TRIM27: variants seen among roughly 807,000 people sequenced by gnomAD.
TRIM27 encodes tripartite motif containing 27.
TRIM27 carries 12 observed loss-of-function variants against 57.6 expected under a neutral mutation model. That is an observed-to-expected ratio of 0.21 (90% CI 0.13 to 0.34). The LOEUF (loss-of-function observed/expected upper bound fraction) is 0.34. Ranked by LOEUF, TRIM27 falls within the 10% of genes least tolerant of loss-of-function variation. The pLI is 1.00. For missense variants in TRIM27, 403 were observed against 656.8 expected (o/e 0.61, Z 4.22); for synonymous variants, 266 against 259.0 (o/e 1.03, Z -0.26).
intron 3 of TRIM27, among the ~76,000 whole-genome samples, chr6:28,912,450 C>T (rs1773277361): frequency 1.3e-5 from 2 of 151,382 alleles, no homozygotes; most frequent in Non-Finnish European, 2.9e-5. Context: ...TCTTGTCAGG[C>T]GCGGTGGCTC....
In TRIM27 at chr6:28,920,027, G is replaced by A. The variant is rs1365612011; in HGVS notation, c.732C>T (p.Thr244=). Residue 244 remains threonine (T), a synonymous_variant, in exon 3 of 8, where the codon ACC becomes ACT. Transcript: ENST00000377199. The part of the protein sequence containing the change: ...AQLEEKQQQP[T]RELLQDIGDT... ...CAAGCCTTACCTGCAGGAGCTCCCTGGTGGGCTGCTGCTGCTTCTCTTCTA... is the reference window on the plus strand; with the variant it reads ...CAAGCCTTACCTGCAGGAGCTCCCTAGTGGGCTGCTGCTGCTTCTCTTCTA... 6.2e-7 allele frequency: 1 copy of A among 1,612,986 alleles called. No homozygotes were observed. The highest frequency in any genetic ancestry group is 8.5e-7 in the Non-Finnish European group (1 of 1,179,736).
chr6:28,907,817 TC>T (rs1562151891), intron 6 of TRIM27: 1 of 377,460 alleles, frequency 2.6e-6, no homozygotes. Context: ...TCTGGTATTA[TC>T]CACTGTATTG....
rs373488290 is a variant in TRIM27 at position 28,919,139 on chromosome 6, C to T, written c.747+873G>A. On this transcript the variant is annotated intron_variant, in intron 3 of 7. Coordinates refer to ENST00000377199, the MANE Select transcript of TRIM27 (RefSeq NM_006510.5). ...GGCAATTCCTTGCCTCAGCCTCCCG[C>T]GTAGCTGGGACTACAGGCACACCGC... is the stretch of plus-strand genomic sequence containing the variant. Among the ~76,000 whole-genome samples the T allele has an allele frequency of 1.1e-3, 169 of 152,100 alleles. 5 individuals carry two copies. In the East Asian group the frequency reaches 0.019, roughly 17 times the overall value.
chr6:28,912,180 G>C (rs1001586303), intron 3 of TRIM27, among the ~76,000 whole-genome samples: 2 of 151,204 alleles, frequency 1.3e-5, no homozygotes, highest in African/African-American at 4.9e-5. Flanking sequence ...CGCGATCTTG[G>C]CTCACTGCAA....
At chr6:28,914,432 G>A (rs1348942949) in intron 3 of TRIM27, among the ~76,000 whole-genome samples, 1 of 151,668 alleles carries the variant, frequency 6.6e-6, no homozygotes, top group Non-Finnish European at 1.5e-5. Context: ...ACTGCACCCG[G>A]CCTATCCCAT....
Position 28,923,637 on chromosome 6 carries a change from C to G in TRIM27, c.-5G>C. The G allele has an allele frequency of 2.6e-6, 4 of 1,563,822 alleles. No individual in the cohort carries two copies. Among genetic ancestry groups the G allele is most frequent in the Non-Finnish European group, 3.5e-6 (4 of 1,151,410 alleles). ...GGCCACACTCCCGGAGGCCATGGCG[C>G]CGGCCTGCGGGGGCGCACGGGCATG... On this transcript the variant is annotated 5_prime_UTR_variant, in exon 1 of 8. Transcript: ENST00000377199.
chr6:28,917,973 T>C (rs1411595696), intron 3 of TRIM27, among the ~76,000 whole-genome samples: 1 of 151,924 alleles, frequency 6.6e-6, no homozygotes, highest in Non-Finnish European at 1.5e-5. Flanking sequence ...ATTACAAGCA[T>C]GTGCCACCAC....
At chr6:28,907,748 T>C in intron 6 of TRIM27, 1 of 386,992 alleles carries the variant, frequency 2.6e-6, no homozygotes, top group Non-Finnish European at 5.1e-6. Flanking sequence ...CCACTAAGAC[T>C]TTTAAGTGGC....
intron 3 of TRIM27, 93 bp downstream of exon 3, chr6:28,919,919 A>C: frequency 8.1e-7 from 1 of 1,233,974 alleles, no homozygotes; most frequent in Non-Finnish European, 1.1e-6. Flanking sequence ...GCAGAGTTAA[A>C]AAGAAGACAG....
intron 1 of TRIM27, among the ~76,000 whole-genome samples, chr6:28,922,916 G>A (rs1410629699): frequency 2.0e-5 from 3 of 152,164 alleles, no homozygotes; most frequent in East Asian, 1.9e-4. Context: ...GCGGTTTTAT[G>A]CACTTCTTTT....
chr6:28,918,054 G>A (rs934931338), intron 3 of TRIM27, among the ~76,000 whole-genome samples: 1 of 151,926 alleles, frequency 6.6e-6, no homozygotes, highest in Admixed American at 6.6e-5. Context: ...TCAATCTCCC[G>A]ACCTCAGGTG....
At chr6:28,906,876 C>CTCAA (rs1772803350) in intron 7 of TRIM27, 5 of 212,550 alleles carry the variant, frequency 2.4e-5, no homozygotes, top group Admixed American at 2.2e-4. Flanking sequence ...TATTGTGGAG[C>CTCAA]TCAATCAGTC....
chr6:28,920,967 G>C (rs768352055), intron 2 of TRIM27, among the ~76,000 whole-genome samples: 1 of 152,110 alleles, frequency 6.6e-6, no homozygotes, highest in African/African-American at 2.4e-5. Flanking sequence ...GGGTAGGAGG[G>C]GGAGAGGTGC....
intron 3 of TRIM27, among the ~76,000 whole-genome samples, chr6:28,912,959 T>C (rs1339999538): frequency 6.6e-6 from 1 of 152,062 alleles, no homozygotes; most frequent in Non-Finnish European, 1.5e-5. Flanking sequence ...TCTAGTCACT[T>C]TGGACTATAA....
At chr6:28,919,371 C>T (rs1034589020) in intron 3 of TRIM27, among the ~76,000 whole-genome samples, 1 of 152,200 alleles carries the variant, frequency 6.6e-6, no homozygotes, top group Non-Finnish European at 1.5e-5. Context: ...GATCGCCACA[C>T]TAAAATATAA....
intron 3 of TRIM27, among the ~76,000 whole-genome samples, chr6:28,914,581 T>TTGG (rs71550103): frequency 2.6e-5 from 1 of 38,956 alleles, no homozygotes; most frequent in African/African-American, 9.0e-5. Context: ...ATTGCAAGGG[T>TTGG]GGGGGGGGGG....
chr6:28,912,399 C>T (rs1328095472), intron 3 of TRIM27, among the ~76,000 whole-genome samples: 1 of 151,938 alleles, frequency 6.6e-6, no homozygotes, highest in African/African-American at 2.4e-5. Context: ...TGTGAGCCAG[C>T]GGTGGCCTCT....
chr6:28,905,959 C>T (rs1772740667), intron 7 of TRIM27: 1 of 152,168 alleles, frequency 6.6e-6, no homozygotes, highest in Admixed American at 6.5e-5. Context: ...GTGGCTCATG[C>T]CTGTAATCTC....
At position 28,923,219 on chromosome 6, in the gene TRIM27, G is replaced by A. The variant is rs768572616; in HGVS notation, c.414C>T (p.Gly138=). ...SVLPLEEAVE[G]FKEQIQNQLD... is the part of the protein sequence containing the mutation. ...CCCGGATCCGCGCCCTCACCTTGAA[G>A]CCCTCCACCGCCTCCTCGAGCGGCA... Residue 138 remains glycine (G), a synonymous_variant, in exon 1 of 8, where the codon GGC becomes GGT. Coordinates refer to ENST00000377199, the MANE Select transcript of TRIM27 (RefSeq NM_006510.5). The A allele has an allele frequency of 1.3e-6, 2 of 1,579,620 alleles. No individual in the cohort carries two copies. Among genetic ancestry groups the A allele is most frequent in the Admixed American group, 3.6e-5 (2 of 55,554 alleles).
Sources: gnomAD v4.1 joint callset for allele counts (sites outside exome capture counted in the v4.1 genomes callset) on GRCh38, gnomAD v4.1.1 for gene constraint, MANE v1.5 for transcripts, NCBI Gene and HGNC (gene_info 2026-07-23, HGNC 2026-07-21) for gene names.